COMMD10: variants seen among roughly 807,000 people sequenced by gnomAD.
COMMD10 encodes the protein COMM domain-containing protein 10.
Under a neutral mutation model 28.9 loss-of-function variants are expected in COMMD10, and 33 were observed. That is an observed-to-expected ratio of 1.14 (90% confidence interval 0.87 to 1.53). The LOEUF is 1.53. Ranked by LOEUF, COMMD10 falls within the 40% of genes most tolerant of loss-of-function variation. COMMD10 has a pLI of 0.00. For missense variants in COMMD10, 310 were observed against 233.4 expected, an observed-to-expected ratio of 1.33 and a Z score of -2.14; for synonymous variants, 110 against 81.7, an observed-to-expected ratio of 1.35 and a Z score of -1.87.
intron 4 of COMMD10, among the ~76,000 whole-genome samples, chr5:116,119,803 A>T (rs1344025323): frequency 1.3e-5 from 2 of 152,022 alleles, no homozygotes; most frequent in Non-Finnish European, 2.9e-5. Context: ...TTTCATAGAG[A>T]CAGTGTCTTG....
intron 4 of COMMD10, among the ~76,000 whole-genome samples, chr5:116,112,878 A>T (rs1010214327): frequency 6.6e-6 from 1 of 151,516 alleles, no homozygotes; most frequent in Non-Finnish European, 1.5e-5. Flanking sequence ...TAATGGTTTC[A>T]TTTGATTCTT....
At chr5:116,211,293 C>T (rs994981187) in intron 5 of COMMD10, among the ~76,000 whole-genome samples, 1 of 152,012 alleles carries the variant, frequency 6.6e-6, no homozygotes, top group South Asian at 2.1e-4. Flanking sequence ...TTACACAAAC[C>T]TAGATGGTAT....
chr5:116,246,507 C>T (rs1016207055), intron 5 of COMMD10, among the ~76,000 whole-genome samples: 4 of 151,050 alleles, frequency 2.6e-5, no homozygotes, highest in African/African-American at 9.7e-5. Flanking sequence ...TCATCTGGAA[C>T]CAAAAAAGAG....
chr5:116,248,294 T>G (rs1017326000), intron 5 of COMMD10, among the ~76,000 whole-genome samples: 2 of 151,986 alleles, frequency 1.3e-5, no homozygotes, highest in Non-Finnish European at 2.9e-5. Flanking sequence ...TGGACAGCAT[T>G]GAAAGTTTCA....
intron 3 of COMMD10, 95 bp from the exon 4 acceptor site, chr5:116,092,450 C>G: frequency 1.2e-6 from 1 of 866,654 alleles, no homozygotes; most frequent in South Asian, 3.0e-5. Flanking sequence ...TTTCTTTTGA[C>G]TTAAGTCATT....
chr5:116,255,049 G>A (rs373200450), intron 5 of COMMD10, among the ~76,000 whole-genome samples: 1 of 151,750 alleles, frequency 6.6e-6, no homozygotes, highest in East Asian at 1.9e-4. Context: ...TTAGCAGGAT[G>A]TAATGGCCTT....
chr5:116,191,356 A>G (rs1369014852), intron 5 of COMMD10, among the ~76,000 whole-genome samples: 2 of 152,068 alleles, frequency 1.3e-5, no homozygotes, highest in African/African-American at 2.4e-5. Context: ...GGAAGAATGA[A>G]GCCCTATTCT....
chr5:116,105,822 T>C (rs551432214), intron 4 of COMMD10, among the ~76,000 whole-genome samples: 1 of 152,318 alleles, frequency 6.6e-6, no homozygotes, highest in East Asian at 1.9e-4. Context: ...TATCATTTTC[T>C]ATTGTGTGTA....
At chr5:116,264,768 T>G (rs1750541543) in intron 5 of COMMD10, among the ~76,000 whole-genome samples, 1 of 151,860 alleles carries the variant, frequency 6.6e-6, no homozygotes, top group South Asian at 2.1e-4. Flanking sequence ...CAAAATGTCT[T>G]GAGCTCCTTG....
At chr5:116,243,281 C>A (rs1000204695) in intron 5 of COMMD10, among the ~76,000 whole-genome samples, 1 of 152,100 alleles carries the variant, frequency 6.6e-6, no homozygotes, top group South Asian at 2.1e-4. Context: ...CAGACTGACT[C>A]AATTTGCATT....
chr5:116,136,434 C>G (rs1752026824), intron 5 of COMMD10, among the ~76,000 whole-genome samples: 1 of 152,170 alleles, frequency 6.6e-6, no homozygotes, highest in Admixed American at 6.5e-5. Flanking sequence ...GTCTGCGTAG[C>G]TAAAAGCATT....
intron 5 of COMMD10, among the ~76,000 whole-genome samples, chr5:116,180,112 C>T (rs891691902): frequency 1.3e-5 from 2 of 152,038 alleles, no homozygotes; most frequent in Admixed American, 6.6e-5. Context: ...TATCTTTGGA[C>T]AGTCAATACT....
chr5:116,283,498 C>T (rs1751130719), intron 5 of COMMD10, among the ~76,000 whole-genome samples: 1 of 151,618 alleles, frequency 6.6e-6, no homozygotes, highest in Non-Finnish European at 1.5e-5. Context: ...AGGCACCCAC[C>T]ACCACGCCCA....
chr5:116,100,658 A>T (rs1750629983), intron 4 of COMMD10, among the ~76,000 whole-genome samples: 1 of 147,984 alleles, frequency 6.8e-6, no homozygotes, highest in Middle Eastern at 3.5e-3. Context: ...GTTTAGATTT[A>T]ATAAATGAGA....
chr5:116,244,395 T>C (rs1383881551), intron 5 of COMMD10, among the ~76,000 whole-genome samples: 2 of 152,042 alleles, frequency 1.3e-5, no homozygotes, highest in East Asian at 3.9e-4. Flanking sequence ...TAGGTATTTA[T>C]TAGAAATCTA....
chr5:116,278,912 A>G (rs1750990005), intron 5 of COMMD10, among the ~76,000 whole-genome samples: 1 of 151,900 alleles, frequency 6.6e-6, no homozygotes, highest in East Asian at 1.9e-4. Context: ...GTCAAATACT[A>G]CAATATAATT....
At chr5:116,099,910 GA>G (rs1287398597) in intron 4 of COMMD10, among the ~76,000 whole-genome samples, 7 of 152,126 alleles carry the variant, frequency 4.6e-5, no homozygotes, top group African/African-American at 1.2e-4. Flanking sequence ...CTTGGGACCA[GA>G]AGTGTTTTGG....
intron 5 of COMMD10, among the ~76,000 whole-genome samples, chr5:116,257,393 G>A (rs4244401): frequency 0.98 from 148,383 of 151,744 alleles, 72,704 homozygotes; most frequent in East Asian, 1. Context: ...TCTCCTAACA[G>A]TATTTTCAGC....
At chr5:116,269,384 A>T (rs564184334) in intron 5 of COMMD10, among the ~76,000 whole-genome samples, 2 of 151,860 alleles carry the variant, frequency 1.3e-5, no homozygotes, top group Non-Finnish European at 2.9e-5. Context: ...TTATGAACCA[A>T]GTTATACTGA....
Sources: allele counts gnomAD v4.1 joint callset (sites outside exome capture counted in the v4.1 genomes callset), GRCh38; gene constraint gnomAD v4.1.1; transcripts MANE v1.5; gene names NCBI Gene and HGNC (gene_info 2026-07-23, HGNC 2026-07-21).